The following MAML3 variants were observed in gnomAD, a reference collection of about 807,000 sequenced individuals.
MAML3 encodes mastermind like transcriptional coactivator 3.
A neutral mutation model predicts 101.9 loss-of-function variants in MAML3; 27 were observed. The ratio of observed to expected loss-of-function variants is 0.27; its 90% confidence interval spans 0.20 to 0.37. The LOEUF is 0.37. Ranked by LOEUF, MAML3 falls within the 10% of genes least tolerant of loss-of-function variation. The probability of loss-of-function intolerance (pLI) is 1.00; values close to 1 mark genes in which losing one functional copy is unlikely to be tolerated. For missense variants in MAML3, 1,316 were observed against 1,444.9 expected, an observed-to-expected ratio of 0.91 and a Z score of 1.45; for synonymous variants, 501 against 555.9, an observed-to-expected ratio of 0.90 and a Z score of 1.39.
chr4:140,013,406 T>C (rs1726594805), intron 1 of MAML3, among the ~76,000 whole-genome samples: 1 of 152,178 alleles, frequency 6.6e-6, no homozygotes, highest in South Asian at 2.1e-4. Flanking sequence ...TTTCTACATT[T>C]TTCCATAACA....
chr4:140,115,043 C>T (rs527297819), intron 1 of MAML3, among the ~76,000 whole-genome samples: 4 of 152,274 alleles, frequency 2.6e-5, no homozygotes, highest in African/African-American at 9.6e-5. Context: ...TCCTATAGAA[C>T]CATAACATTC....
At chr4:139,899,603 GA>G (rs1307813669) in intron 1 of MAML3, among the ~76,000 whole-genome samples, 1 of 152,060 alleles carries the variant, frequency 6.6e-6, no homozygotes, top group Non-Finnish European at 1.5e-5. Flanking sequence ...CACATATGTT[GA>G]AAAAAGTTGG....
At chr4:139,851,017 T>C (rs1365267180) in intron 2 of MAML3, among the ~76,000 whole-genome samples, 1 of 152,168 alleles carries the variant, frequency 6.6e-6, no homozygotes, top group South Asian at 2.1e-4. Flanking sequence ...ATTATGGTAA[T>C]TTTACATGAA....
At position 139,860,926 on chromosome 4, in the gene MAML3, T is replaced by A. The variant is rs202183663; in HGVS notation, c.2079+28431A>T. ...CTAAATTTCTCAGTGTCCATTTAGA[T>A]CCCCAGTGTTGAGGTATTGTAGGTA... On this transcript the variant is annotated intron_variant, in intron 2 of 4. Coordinates refer to ENST00000509479, the MANE Select transcript of MAML3 (RefSeq NM_018717.5). 6.6e-5 allele frequency among the ~76,000 whole-genome samples: 10 copies of A among 152,234 alleles called. No homozygotes were observed. In the East Asian group the frequency reaches 1.7e-3, roughly 26 times the overall value.
intron 1 of MAML3, among the ~76,000 whole-genome samples, chr4:140,130,492 A>G (rs1728773766): frequency 6.6e-6 from 1 of 152,258 alleles, no homozygotes; most frequent in Non-Finnish European, 1.5e-5. Flanking sequence ...CAAAGGCCTG[A>G]ACACTGCAGC....
At chr4:139,807,601 A>G (rs1228061196) in intron 2 of MAML3, among the ~76,000 whole-genome samples, 1 of 152,140 alleles carries the variant, frequency 6.6e-6, no homozygotes, top group Non-Finnish European at 1.5e-5. Flanking sequence ...GGGAGCATAC[A>G]CGTACCCTAA....
At chr4:139,992,125 G>A (rs933874731) in intron 1 of MAML3, among the ~76,000 whole-genome samples, 3 of 152,066 alleles carry the variant, frequency 2.0e-5, no homozygotes, top group Non-Finnish European at 4.4e-5. Context: ...TTTTGTATCT[G>A]GATTCTTTTA....
chr4:140,150,057 C>G (rs1268524127), intron 1 of MAML3, among the ~76,000 whole-genome samples: 1 of 150,496 alleles, frequency 6.6e-6, no homozygotes, highest in Admixed American at 6.7e-5. Flanking sequence ...TGTGAAACAG[C>G]TGAAGCTAAA....
At chr4:139,830,031 A>G (rs1288677809) in intron 2 of MAML3, among the ~76,000 whole-genome samples, 5 of 152,210 alleles carry the variant, frequency 3.3e-5, no homozygotes, top group African/African-American at 9.7e-5. Context: ...AGCTCTCTAG[A>G]GGTTGCCTAT....
intron 2 of MAML3, among the ~76,000 whole-genome samples, chr4:139,800,951 G>A (rs1305210034): frequency 1.3e-5 from 2 of 152,236 alleles, no homozygotes; most frequent in African/African-American, 4.8e-5. Context: ...AAATGACATT[G>A]GGATGCTGAT....
rs1436775757 is a variant in MAML3, at chr4:139,785,253, T to C, written c.2080-54586A>G. Among the ~76,000 whole-genome samples the C allele has an allele frequency of 6.6e-6, 1 of 152,228 alleles. No individual in the cohort carries two copies. The highest frequency in any genetic ancestry group is 1.5e-5 in the Non-Finnish European group (1 of 68,038). On this transcript the variant is annotated intron_variant, in intron 2 of 4. Coordinates refer to ENST00000509479, the MANE Select transcript of MAML3 (RefSeq NM_018717.5). This position sits in a 1 kb window ranked among gnomAD's most constrained non-coding sequence, Gnocchi z 4.3. ...GGTCCTCCCACACGGTGCCGGATCC[T>C]GATACCAAGACCGAGGACATGGATG...
intron 1 of MAML3, among the ~76,000 whole-genome samples, chr4:140,042,382 C>A (rs1168280062): frequency 6.6e-6 from 1 of 152,172 alleles, no homozygotes; most frequent in Non-Finnish European, 1.5e-5. Flanking sequence ...CGCCTGTAAT[C>A]CCAGCACTTT....
chr4:139,787,963 G>C (rs1013625508), intron 2 of MAML3, among the ~76,000 whole-genome samples: 3 of 152,088 alleles, frequency 2.0e-5, no homozygotes, highest in Non-Finnish European at 4.4e-5. Flanking sequence ...ATCTATTCTT[G>C]TTACACTTTT....
In MAML3 at chr4:140,069,630, A is replaced by AAAG. The variant is rs202001455; in HGVS notation, c.468+83227_468+83229dup. Among the ~76,000 whole-genome samples the AAAG allele has an allele frequency of 4.1e-5, 6 of 146,128 alleles. No individual in the cohort carries two copies. In the East Asian group the frequency reaches 1.0e-3, roughly 26 times the overall value. ...AAGAAGAAGAAGAAAAAGAAAGAAG[A>AAAG]AAGAAGAAGAAGAAGGAGGAGGAGA... On this transcript the variant is annotated intron_variant, in intron 1 of 4. Transcript: ENST00000509479.
intron 1 of MAML3, among the ~76,000 whole-genome samples, chr4:140,150,990 A>G (rs1438878058): frequency 7.3e-6 from 1 of 137,506 alleles, no homozygotes; most frequent in Non-Finnish European, 1.6e-5. Flanking sequence ...GGGGGAGCGG[A>G]GAGGAGGGAC....
chr4:139,983,059 T>C (rs1199259524), intron 1 of MAML3, among the ~76,000 whole-genome samples: 1 of 152,228 alleles, frequency 6.6e-6, no homozygotes, highest in Non-Finnish European at 1.5e-5. Flanking sequence ...GATAGTTAGA[T>C]TCTTTTGTCA....
intron 2 of MAML3, among the ~76,000 whole-genome samples, chr4:139,884,348 T>G (rs902423628): frequency 6.6e-6 from 1 of 152,172 alleles, no homozygotes; most frequent in African/African-American, 2.4e-5. Context: ...GTGAAAAACA[T>G]TCTGTAAAAT....
At chr4:139,871,369 T>G (rs1732003621) in intron 2 of MAML3, among the ~76,000 whole-genome samples, 1 of 152,168 alleles carries the variant, frequency 6.6e-6, no homozygotes, top group Non-Finnish European at 1.5e-5. Flanking sequence ...ATGGCCATCC[T>G]CAGTTTTTTT....
At chr4:139,932,508 T>C (rs1217427923) in intron 1 of MAML3, among the ~76,000 whole-genome samples, 3 of 152,150 alleles carry the variant, frequency 2.0e-5, no homozygotes, top group Non-Finnish European at 4.4e-5. Context: ...TATAAATGAG[T>C]GCTTCCAAAG....
Sources: gnomAD v4.1 joint callset for allele counts (sites outside exome capture counted in the v4.1 genomes callset) on GRCh38, gnomAD v4.1.1 for gene constraint, Gnocchi (gnomAD v3.1) non-coding constraint, MANE v1.5 for transcripts, NCBI Gene and HGNC (gene_info 2026-07-23, HGNC 2026-07-21) for gene names.